Variants in ZMIZ1 observed in about 807,000 individuals in gnomAD.
ZMIZ1 encodes zinc finger MIZ domain-containing protein 1.
In ZMIZ1, 17 loss-of-function variants were observed where a neutral mutation model predicts 113.9. The observed-to-expected ratio is 0.15, with a 90% confidence interval of 0.10 to 0.22. The LOEUF is 0.22. ZMIZ1 is among the 10% of genes least tolerant of loss of function. ZMIZ1 has a pLI of 1.00. For missense variants in ZMIZ1, 1,059 were observed against 1,477.8 expected, an observed-to-expected ratio of 0.72 and a Z score of 4.65; for synonymous variants, 607 against 603.1, an observed-to-expected ratio of 1.01 and a Z score of -0.09.
intron 23 of ZMIZ1, among the ~76,000 whole-genome samples, chr10:79,310,555 C>T (rs1855067151): frequency 1.3e-5 from 2 of 152,156 alleles, no homozygotes; most frequent in Non-Finnish European, 2.9e-5. Context: ...CTCCCCGGAA[C>T]ATGCCCATTC....
chr10:79,114,854 A>C (rs1843953618), intron 1 of ZMIZ1, among the ~76,000 whole-genome samples: 1 of 151,944 alleles, frequency 6.6e-6, no homozygotes, highest in Non-Finnish European at 1.5e-5. Context: ...GGTGTCTTCC[A>C]GGTGGGGTGT....
At chr10:79,209,995 A>G (rs1426537707) in intron 6 of ZMIZ1, among the ~76,000 whole-genome samples, 1 of 152,238 alleles carries the variant, frequency 6.6e-6, no homozygotes, top group African/African-American at 2.4e-5. Context: ...CAAATCGAGC[A>G]GCCACCTGCA....
chr10:79,208,019 A>G (rs1398325416), intron 5 of ZMIZ1, among the ~76,000 whole-genome samples: 2 of 145,710 alleles, frequency 1.4e-5, no homozygotes, highest in African/African-American at 2.5e-5. Flanking sequence ...TGTCTTTGCA[A>G]TGGGGCTACT....
At chr10:79,138,325 T>C (rs1053261789) in intron 2 of ZMIZ1, among the ~76,000 whole-genome samples, 10 of 152,178 alleles carry the variant, frequency 6.6e-5, no homozygotes, top group Non-Finnish European at 1.3e-4. Flanking sequence ...AGAAAGGGGA[T>C]TCGCCTTCTG....
At chr10:79,185,722 T>G (rs961833463) in intron 4 of ZMIZ1, among the ~76,000 whole-genome samples, 1 of 152,130 alleles carries the variant, frequency 6.6e-6, no homozygotes, top group Non-Finnish European at 1.5e-5. Flanking sequence ...CTTTACTCAC[T>G]TTGACTTTTA....
chr10:79,206,255 G>A (rs1848315187), intron 5 of ZMIZ1, among the ~76,000 whole-genome samples: 6 of 152,220 alleles, frequency 3.9e-5, no homozygotes, highest in Admixed American at 3.9e-4. Flanking sequence ...GCCAGAACCA[G>A]ACTGGGCCTC....
At chr10:79,228,355 C>T (rs538715757) in intron 7 of ZMIZ1, among the ~76,000 whole-genome samples, 23 of 152,268 alleles carry the variant, frequency 1.5e-4, no homozygotes, top group Middle Eastern at 6.8e-3. Flanking sequence ...ATGTGTGGGC[C>T]CTTGAGTCTG....
At position 79,142,746 on chromosome 10, in the gene ZMIZ1, T is replaced by G. The variant is rs554465352; in HGVS notation, c.-131+2969T>G. Among the ~76,000 whole-genome samples, 18 of 152,346 alleles carry G rather than the reference T, an allele frequency of 1.2e-4. No homozygotes were observed. The East Asian group carries it at 3.5e-3, about 29-fold the overall frequency. Reference sequence around the variant, plus strand: ...CTGACCCTGGCCAAGCATCTTGCCCTGATGTCTGTCCACTTTCCCACTTTC... The same window carrying G: ...CTGACCCTGGCCAAGCATCTTGCCCGGATGTCTGTCCACTTTCCCACTTTC... On this transcript the variant is annotated intron_variant, in intron 3 of 24. Transcript: ENST00000334512.
intron 3 of ZMIZ1, among the ~76,000 whole-genome samples, chr10:79,160,628 A>T (rs887206891): frequency 1.3e-5 from 2 of 152,244 alleles, no homozygotes; most frequent in South Asian, 4.1e-4. Context: ...GATCCTTGTG[A>T]TTACTGAGCC....
chr10:79,276,248 G>A (rs1446068492), intron 7 of ZMIZ1, among the ~76,000 whole-genome samples: 3 of 152,338 alleles, frequency 2.0e-5, no homozygotes, highest in Non-Finnish European at 4.4e-5. Flanking sequence ...GTGACTGAGC[G>A]CAGCCAGTTC....
At chr10:79,241,715 A>T (rs1849839896) in intron 7 of ZMIZ1, among the ~76,000 whole-genome samples, 2 of 152,204 alleles carry the variant, frequency 1.3e-5, no homozygotes, top group African/African-American at 4.8e-5. Flanking sequence ...ATGTCAAACA[A>T]GGAGCAAGAA....
intron 4 of ZMIZ1, among the ~76,000 whole-genome samples, chr10:79,165,698 G>A (rs959500184): frequency 1.3e-5 from 2 of 152,174 alleles, no homozygotes; most frequent in Admixed American, 6.5e-5. Context: ...CGGAGAGTTC[G>A]GACCTGCCCT....
At position 79,119,304 on chromosome 10, in the gene ZMIZ1, G is replaced by C. The variant is rs1319647019; in HGVS notation, c.-227+280G>C. 2.0e-5 allele frequency among the ~76,000 whole-genome samples: 3 copies of C among 152,198 alleles called. No homozygotes were observed. The East Asian group carries it at 5.8e-4, about 29-fold the overall frequency. ...CTTGGGTAGCCCTTTCCTTCTAGAG[G>C]GCCTCAGCTTTCTACTCTAGTCCAT... is the stretch of plus-strand genomic sequence containing the variant. On this transcript the variant is annotated intron_variant, in intron 2 of 24. Coordinates refer to ENST00000334512, the MANE Select transcript of ZMIZ1 (RefSeq NM_020338.4).
intron 1 of ZMIZ1, among the ~76,000 whole-genome samples, chr10:79,072,401 C>G (rs1842322094): frequency 6.6e-6 from 1 of 152,206 alleles, no homozygotes; most frequent in Admixed American, 6.5e-5. Flanking sequence ...GGGCAAGGAC[C>G]CAACTGAGAA....
intron 7 of ZMIZ1, among the ~76,000 whole-genome samples, chr10:79,254,967 C>T (rs1008442971): frequency 6.6e-6 from 1 of 152,226 alleles, no homozygotes; most frequent in Non-Finnish European, 1.5e-5. Context: ...CCCTGAGCTG[C>T]CCACGACAGC....
At chr10:79,151,961 C>A (rs1240877684) in intron 3 of ZMIZ1, among the ~76,000 whole-genome samples, 1 of 152,120 alleles carries the variant, frequency 6.6e-6, no homozygotes, top group East Asian at 1.9e-4. Flanking sequence ...TCTCGCCCGC[C>A]GCCATCTGGG....
At chr10:79,097,425 G>A (rs2132248963) in intron 1 of ZMIZ1, among the ~76,000 whole-genome samples, 1 of 152,332 alleles carries the variant, frequency 6.6e-6, no homozygotes, top group East Asian at 1.9e-4. Context: ...GGGGTCCCCG[G>A]ACAAGCCCAG....
In ZMIZ1 at chr10:79,314,891, T is replaced by C. The variant is rs1291138082; in HGVS notation, c.*2142T>C. The C allele has an allele frequency of 6.5e-6, 1 of 152,902 alleles. No individual in the cohort carries two copies. The highest frequency in any genetic ancestry group is 1.5e-5 in the Non-Finnish European group (1 of 68,486). 9.5% of individuals were successfully genotyped at this position (152,902 alleles called of 1,614,324 possible). On this transcript the variant is annotated 3_prime_UTR_variant, in exon 25 of 25. Coordinates refer to ENST00000334512, the MANE Select transcript of ZMIZ1 (RefSeq NM_020338.4). ...TGGCCTGGCAAGTGGCCACGCCCTG[T>C]GTCAGACCATCTGGGAATTAAGCTC...
At chr10:79,215,086 T>C (rs1848668670) in intron 6 of ZMIZ1, among the ~76,000 whole-genome samples, 1 of 152,108 alleles carries the variant, frequency 6.6e-6, no homozygotes, top group Admixed American at 6.5e-5. Flanking sequence ...AAACACACCA[T>C]TGCTGTTATG....
Sources: allele counts gnomAD v4.1 joint callset (sites outside exome capture counted in the v4.1 genomes callset), GRCh38; gene constraint gnomAD v4.1.1; transcripts MANE v1.5; gene names NCBI Gene and HGNC (gene_info 2026-07-23, HGNC 2026-07-21).